The following DEPTOR variants were observed in gnomAD, a reference collection of about 807,000 sequenced individuals.
DEPTOR encodes DEP domain containing MTOR interacting protein.
In DEPTOR, 41 loss-of-function variants were observed where a neutral mutation model predicts 41.6. That is an observed-to-expected ratio of 0.98 (90% CI 0.77 to 1.28). The LOEUF (loss-of-function observed/expected upper bound fraction) is 1.28, where lower values mean the gene tolerates loss of function less well. Among genes scored for constraint, DEPTOR ranks in the 50% most tolerant of loss-of-function variants. DEPTOR has a pLI of 0.00. For synonymous variants in DEPTOR, 195 were observed against 192.3 expected, an observed-to-expected ratio of 1.01 and a Z score of -0.12; for missense variants, 514 against 527.9, an observed-to-expected ratio of 0.97 and a Z score of 0.26.
At chr8:119,990,581 C>A (rs1463794277) in intron 4 of DEPTOR, among the ~76,000 whole-genome samples, 2 of 152,200 alleles carry the variant, frequency 1.3e-5, no homozygotes, top group Admixed American at 1.3e-4. Flanking sequence ...ATCACAGTGT[C>A]ATGTTTGGTT....
At chr8:120,007,287 C>T (rs1353300825) in intron 7 of DEPTOR, among the ~76,000 whole-genome samples, 1 of 151,994 alleles carries the variant, frequency 6.6e-6, no homozygotes, top group African/African-American at 2.4e-5. Flanking sequence ...GCCAATAATC[C>T]CTTCTGCATT....
intron 4 of DEPTOR, among the ~76,000 whole-genome samples, chr8:119,984,319 A>G (rs926289184): frequency 1.1e-4 from 16 of 151,192 alleles, no homozygotes; most frequent in Admixed American, 9.2e-4. Flanking sequence ...AAGTTCTGGG[A>G]CAGGTTTGTT....
chr8:119,937,459 C>T (rs1376085034), intron 3 of DEPTOR, among the ~76,000 whole-genome samples: 1 of 152,134 alleles, frequency 6.6e-6, no homozygotes, highest in African/African-American at 2.4e-5. Flanking sequence ...ACTTGTGCTG[C>T]CCTAGTGGTT....
Position 120,022,718 on chromosome 8 carries a change from A to T in DEPTOR, c.1101+13585A>T, listed in dbSNP as rs574897057. On this transcript the variant is annotated intron_variant, in intron 8 of 8. Transcript: ENST00000286234. ...TTAATCTATTTTAATTTTTTTTTCT[A>T]GAGATGGGACTCTCCCTATGTTGCC... Among the ~76,000 whole-genome samples the T allele has an allele frequency of 7.3e-5, 10 of 137,816 alleles. No individual in the cohort carries two copies. The South Asian group carries it at 2.1e-3, about 28-fold the overall frequency. 90.4% of individuals were successfully genotyped at this position (137,816 alleles called of 152,430 possible).
intron 3 of DEPTOR, 22 bp from the exon 4 acceptor site, chr8:119,965,210 T>A: frequency 6.3e-7 from 1 of 1,598,112 alleles, no homozygotes; most frequent in East Asian, 2.2e-5. Flanking sequence ...TTTACTTTTC[T>A]TTTCCCTTTT....
intron 4 of DEPTOR, among the ~76,000 whole-genome samples, chr8:119,982,982 TG>T (rs1828786631): frequency 6.6e-6 from 1 of 152,230 alleles, no homozygotes. Flanking sequence ...AATAAGCAGC[TG>T]GCACTGTCAG....
At chr8:119,951,247 A>G (rs1828350122) in intron 3 of DEPTOR, among the ~76,000 whole-genome samples, 1 of 152,200 alleles carries the variant, frequency 6.6e-6, no homozygotes, top group African/African-American at 2.4e-5. Flanking sequence ...AATAATAACC[A>G]TTCCTGTCAA....
chr8:119,969,326 C>A (rs1012109114), intron 4 of DEPTOR, among the ~76,000 whole-genome samples: 5 of 151,508 alleles, frequency 3.3e-5, no homozygotes, highest in African/African-American at 4.9e-5. Flanking sequence ...AAAACAAATG[C>A]ATTTTTGATA....
chr8:119,972,350 T>C (rs978624960), intron 4 of DEPTOR, among the ~76,000 whole-genome samples: 6 of 152,106 alleles, frequency 3.9e-5, no homozygotes, highest in Non-Finnish European at 8.8e-5. Context: ...AGGCTGGGCA[T>C]TGTGGCTCAG....
chr8:119,949,537 T>A (rs573655227), intron 3 of DEPTOR, among the ~76,000 whole-genome samples: 49 of 152,354 alleles, frequency 3.2e-4, no homozygotes, highest in African/African-American at 1.1e-3. Flanking sequence ...ACTTGTTCTC[T>A]GTCTTGTTTC....
At chr8:120,005,419 G>A (rs1812418689) in intron 6 of DEPTOR, among the ~76,000 whole-genome samples, 1 of 152,236 alleles carries the variant, frequency 6.6e-6, no homozygotes, top group Non-Finnish European at 1.5e-5. Context: ...CTGAGAGGGT[G>A]CTTCTCAGGC....
chr8:119,978,674 G>A (rs1467102748), intron 4 of DEPTOR, among the ~76,000 whole-genome samples: 1 of 152,118 alleles, frequency 6.6e-6, no homozygotes, highest in Non-Finnish European at 1.5e-5. Context: ...TGGCTAGGGG[G>A]TTTGGGCTGG....
chr8:119,946,040 C>T (rs766789010), intron 3 of DEPTOR, among the ~76,000 whole-genome samples: 31 of 152,084 alleles, frequency 2.0e-4, no homozygotes, highest in Non-Finnish European at 3.4e-4. Flanking sequence ...TGTTGTTAAG[C>T]GCAGAGATGA....
At chr8:119,885,431 TGTATGAC>T (rs1255741533) in intron 1 of DEPTOR, among the ~76,000 whole-genome samples, 3 of 152,206 alleles carry the variant, frequency 2.0e-5, no homozygotes, top group Non-Finnish European at 4.4e-5. Flanking sequence ...AATTACCTAA[TGTATGAC>T]TCTGATTCAT....
At chr8:120,034,473 A>G (rs868007767) in intron 8 of DEPTOR, among the ~76,000 whole-genome samples, 261 of 92,160 alleles carry the variant, frequency 2.8e-3, no homozygotes, top group Admixed American at 5.8e-3. Context: ...TTTGAGATGG[A>G]GTCTTGCTCT....
At chr8:119,955,004 G>T (rs959332325) in intron 3 of DEPTOR, among the ~76,000 whole-genome samples, 7 of 151,932 alleles carry the variant, frequency 4.6e-5, no homozygotes, top group African/African-American at 1.7e-4. Flanking sequence ...GATTACAGGT[G>T]CCCGCCACCA....
rs541023977 is a variant in DEPTOR at position 119,925,548 on chromosome 8, G to T, written c.123-2852G>T. 3.3e-5 allele frequency among the ~76,000 whole-genome samples: 5 copies of T among 152,188 alleles called. No individual in the cohort carries two copies. In the East Asian group the frequency reaches 7.7e-4, roughly 24 times the overall value. On this transcript the variant is annotated intron_variant, in intron 1 of 8. Transcript: ENST00000286234. ...ACCTGGCCCTGCCCTTGACACATGGGGATTATTACAATTCAAGGTGAAATT... is the reference window on the plus strand; with the variant it reads ...ACCTGGCCCTGCCCTTGACACATGGTGATTATTACAATTCAAGGTGAAATT...
At chr8:119,952,621 C>T (rs537523936) in intron 3 of DEPTOR, among the ~76,000 whole-genome samples, 6 of 152,276 alleles carry the variant, frequency 3.9e-5, no homozygotes, top group South Asian at 2.1e-4. Flanking sequence ...CCCCCCGGGC[C>T]GTGTCCATGT....
intron 8 of DEPTOR, among the ~76,000 whole-genome samples, chr8:120,030,689 G>A (rs912801286): frequency 5.3e-5 from 8 of 151,760 alleles, no homozygotes; most frequent in African/African-American, 1.7e-4. Flanking sequence ...ATTTTTAGTA[G>A]AGATGGGATT....
Sources: gnomAD v4.1 joint callset for allele counts (sites outside exome capture counted in the v4.1 genomes callset) on GRCh38, gnomAD v4.1.1 for gene constraint, MANE v1.5 for transcripts, NCBI Gene and HGNC (gene_info 2026-07-23, HGNC 2026-07-21) for gene names.